The following TCERG1L variants were observed in gnomAD, a reference collection of about 807,000 sequenced individuals.
The protein encoded by TCERG1L is transcription elongation regulator 1 like.
TCERG1L carries 37 observed loss-of-function variants against 56.3 expected under a neutral mutation model. The observed-to-expected ratio is 0.66, with a 90% CI of 0.51 to 0.87. The LOEUF is 0.87. Among genes scored for constraint, TCERG1L ranks in the 40% least tolerant of loss-of-function variants. TCERG1L has a pLI of 0.00. For synonymous variants in TCERG1L, 324 were observed against 326.3 expected, an observed-to-expected ratio of 0.99 and a Z score of 0.08; for missense variants, 799 against 774.2, an observed-to-expected ratio of 1.03 and a Z score of -0.38.
At chr10:131,195,760 C>A (rs563032199) in intron 4 of TCERG1L, among the ~76,000 whole-genome samples, 1 of 152,234 alleles carries the variant, frequency 6.6e-6, no homozygotes, top group Non-Finnish European at 1.5e-5. Context: ...GGGGACGCCC[C>A]TGCCATGGCC....
intron 4 of TCERG1L, among the ~76,000 whole-genome samples, chr10:131,229,423 C>T (rs567720941): frequency 7.2e-5 from 11 of 152,364 alleles, no homozygotes; most frequent in East Asian, 1.9e-4. Context: ...GTCAATGACA[C>T]GCAGGTTTTA....
intron 4 of TCERG1L, among the ~76,000 whole-genome samples, chr10:131,172,570 G>A (rs1001967822): frequency 1.3e-5 from 2 of 152,264 alleles, no homozygotes; most frequent in African/African-American, 4.8e-5. Context: ...GGGTTCATGA[G>A]GAGCATCCAT....
intron 3 of TCERG1L, among the ~76,000 whole-genome samples, chr10:131,282,512 A>G (rs1406420435): frequency 6.6e-6 from 1 of 152,214 alleles, no homozygotes; most frequent in Admixed American, 6.5e-5. Flanking sequence ...TCCCTCTCTG[A>G]AAACTTTTCA....
chr10:131,104,348 C>G lies in TCERG1L; in HGVS notation c.1402G>C (p.Ala468Pro). The stretch of plus-strand genomic sequence containing the variant: ...AATTCTTTCTCCCAGGTAGAAAATG[C>G]TGATACCTAAAGAAAGATATTCAAT... ...RDMLLERGVS[A>P]FSTWEKELHK... The change falls in exon 10 of 12, where the codon GCA becomes CCA. Residue 468 changes from alanine to proline, a missense_variant. By Grantham distance (27) the Ala-to-Pro change is conservative. Transcript: ENST00000368642. 1.3e-6 allele frequency: 2 copies of G among 1,539,696 alleles called. No individual in the cohort carries two copies. Among genetic ancestry groups the G allele is most frequent in the Non-Finnish European group, 1.8e-6 (2 of 1,136,286 alleles).
chr10:131,253,801 G>T (rs191076099), intron 4 of TCERG1L, among the ~76,000 whole-genome samples: 1 of 152,136 alleles, frequency 6.6e-6, no homozygotes, highest in Non-Finnish European at 1.5e-5. Flanking sequence ...AAGAGTCAAC[G>T]AGAGGTAACT....
intron 9 of TCERG1L, among the ~76,000 whole-genome samples, chr10:131,108,265 C>T (rs10829902): frequency 0.071 from 10,859 of 152,234 alleles, 407 homozygotes; most frequent in African/African-American, 0.081. Context: ...AGCTTTAGCC[C>T]AGCGTTTCAC....
intron 3 of TCERG1L, among the ~76,000 whole-genome samples, chr10:131,272,110 T>C (rs1245628150): frequency 6.6e-6 from 1 of 152,130 alleles, no homozygotes; most frequent in Non-Finnish European, 1.5e-5. Flanking sequence ...CGGAATGAGC[T>C]GGTGCAGGGA....
chr10:131,258,745 G>A (rs77820004), intron 4 of TCERG1L, among the ~76,000 whole-genome samples: 3,124 of 152,222 alleles, frequency 0.021, 111 homozygotes, highest in African/African-American at 0.069. Context: ...AACTGAACAC[G>A]CATTATTGCA....
At chr10:131,211,759 G>A (rs76020945) in intron 4 of TCERG1L, among the ~76,000 whole-genome samples, 6,721 of 152,270 alleles carry the variant, frequency 0.044, 396 homozygotes, top group African/African-American at 0.14. Flanking sequence ...CCCACCCCAA[G>A]AAGCACCAGA....
intron 3 of TCERG1L, among the ~76,000 whole-genome samples, chr10:131,281,818 A>G (rs1257490520): frequency 6.6e-6 from 1 of 151,100 alleles, no homozygotes; most frequent in Non-Finnish European, 1.5e-5. Flanking sequence ...CCAACACCTA[A>G]AAGTGAGGAC....
chr10:131,298,893 T>A (rs1324442482), intron 3 of TCERG1L, among the ~76,000 whole-genome samples: 1 of 152,218 alleles, frequency 6.6e-6, no homozygotes, highest in Admixed American at 6.5e-5. Context: ...CTCACTGATA[T>A]TCACAGATGA....
chr10:131,253,869 T>C (rs2918089), intron 4 of TCERG1L, among the ~76,000 whole-genome samples: 80,289 of 151,950 alleles, frequency 0.53, 21,555 homozygotes, highest in East Asian at 0.69. Context: ...TATGGGAGGA[T>C]CCTGCCCCTG....
intron 4 of TCERG1L, among the ~76,000 whole-genome samples, chr10:131,176,035 CT>C (rs1283392697): frequency 6.6e-6 from 1 of 152,222 alleles, no homozygotes; most frequent in African/African-American, 2.4e-5. Context: ...AAAAATACAG[CT>C]GCCGACAGAC....
intron 7 of TCERG1L, among the ~76,000 whole-genome samples, chr10:131,139,469 G>A (rs1342642262): frequency 6.6e-6 from 1 of 152,176 alleles, no homozygotes; most frequent in Non-Finnish European, 1.5e-5. Context: ...GGAACTGGGT[G>A]CGGGAGGCAG....
At chr10:131,101,351 C>T (rs577904941) in intron 10 of TCERG1L, among the ~76,000 whole-genome samples, 85 of 152,322 alleles carry the variant, frequency 5.6e-4, no homozygotes, top group Admixed American at 7.8e-4. Context: ...AGCATGTAAA[C>T]GAGAATATTT....
intron 4 of TCERG1L, among the ~76,000 whole-genome samples, chr10:131,211,767 A>G (rs1039426084): frequency 1.3e-5 from 2 of 152,216 alleles, no homozygotes; most frequent in Non-Finnish European, 2.9e-5. Flanking sequence ...AAGAAGCACC[A>G]GAGCACCAGG....
At chr10:131,214,189 G>A (rs1206897711) in intron 4 of TCERG1L, among the ~76,000 whole-genome samples, 3 of 152,118 alleles carry the variant, frequency 2.0e-5, no homozygotes, top group African/African-American at 4.8e-5. Context: ...GGAGGGGTGG[G>A]AGCCTGGGGT....
chr10:131,182,558 C>T (rs1845191902), intron 4 of TCERG1L, among the ~76,000 whole-genome samples: 2 of 152,342 alleles, frequency 1.3e-5, no homozygotes, highest in East Asian at 1.9e-4. Flanking sequence ...TCATGCTTCT[C>T]GGAACTCTGC....
chr10:131,137,846 C>T (rs951582549), intron 7 of TCERG1L, among the ~76,000 whole-genome samples: 12 of 152,160 alleles, frequency 7.9e-5, no homozygotes, highest in African/African-American at 2.7e-4. Flanking sequence ...CCGTGCACAA[C>T]GGCAGCATAG....
Sources: gnomAD v4.1 joint callset for allele counts (sites outside exome capture counted in the v4.1 genomes callset) on GRCh38, gnomAD v4.1.1 for gene constraint, MANE v1.5 for transcripts, NCBI Gene and HGNC (gene_info 2026-07-23, HGNC 2026-07-21) for gene names.